PCDHGA11: variants seen among roughly 807,000 people sequenced by gnomAD.
The protein encoded by PCDHGA11 is protocadherin gamma subfamily A, 11.
Under a neutral mutation model 60.4 loss-of-function variants are expected in PCDHGA11, and 39 were observed. The observed-to-expected ratio is 0.65, with a 90% CI of 0.50 to 0.84. The LOEUF (loss-of-function observed/expected upper bound fraction) is 0.84. Among genes scored for constraint, PCDHGA11 ranks in the 40% least tolerant of loss-of-function variants. The probability of loss-of-function intolerance (pLI) is 0.00; values close to 1 mark genes in which losing one functional copy is unlikely to be tolerated. For missense variants in PCDHGA11, 1,165 were observed against 1,197.7 expected (o/e 0.97, Z 0.40); for synonymous variants, 533 against 510.3 (o/e 1.04, Z -0.60).
chr5:141,432,635 G>C lies in PCDHGA11; in HGVS notation c.2433+8975G>C, dbSNP rs754354737. On this transcript the variant is annotated intron_variant, in intron 1 of 3. Transcript: ENST00000398587. The surrounding 1 kb of genome is among the most constrained non-coding windows in gnomAD (Gnocchi z 6.0). ...CTCGGTGGGTCTGCACACGGGCGAG[G>C]TGCGCACGGCGCGAGCCCTGCTGGA... The C allele has an allele frequency of 5.6e-6, 9 of 1,612,886 alleles. No individual in the cohort carries two copies. Among genetic ancestry groups the C allele is most frequent in the Non-Finnish European group, 7.6e-6 (9 of 1,179,742 alleles).
chr5:141,446,408 C>A (rs1211716327), intron 1 of PCDHGA11, among the ~76,000 whole-genome samples: 1 of 151,898 alleles, frequency 6.6e-6, no homozygotes, highest in African/African-American at 2.4e-5. Flanking sequence ...GAGTTGAGTT[C>A]CAGCCATGTT....
chr5:141,478,428 C>T (rs2154576655), intron 1 of PCDHGA11: 1 of 1,613,746 alleles, frequency 6.2e-7, no homozygotes, highest in Non-Finnish European at 8.5e-7. Flanking sequence ...CGCAGCGACC[C>T]GCTGCTGAAG....
At position 141,431,982 on chromosome 5, in the gene PCDHGA11, T is replaced by G. The variant is rs2097433926; in HGVS notation, c.2433+8322T>G. The G allele has an allele frequency of 6.2e-7, 1 of 1,614,212 alleles. No homozygotes were observed. Among genetic ancestry groups the G allele is most frequent in the African/African-American group, 1.3e-5 (1 of 75,056 alleles). ...AATTACTATAGTTTAGTCACAGACA[T>G]AGTCTTGGATAGGGAACAGGTTCCT... On this transcript the variant is annotated intron_variant, in intron 1 of 3. Transcript: ENST00000398587. The surrounding 1 kb of genome is among the most constrained non-coding windows in gnomAD (Gnocchi z 4.8).
At position 141,431,667 on chromosome 5, in the gene PCDHGA11, C is replaced by T. The variant is rs759257105; in HGVS notation, c.2433+8007C>T. ...GATTGTAATTCAGGGACAATATCAA[C>T]AATAGGGGAGTTGGACCACGAGGAG... On this transcript the variant is annotated intron_variant, in intron 1 of 3. Coordinates refer to ENST00000398587, the MANE Select transcript of PCDHGA11 (RefSeq NM_018914.3). This position sits in a 1 kb window ranked among gnomAD's most constrained non-coding sequence, Gnocchi z 4.8. 1 of 1,614,226 alleles carries T rather than the reference C, an allele frequency of 6.2e-7. No individual in the cohort carries two copies. The highest frequency in any genetic ancestry group is 1.3e-5 in the African/African-American group (1 of 75,072).
In PCDHGA11 at chr5:141,471,825, A is replaced by G. The variant is rs150400990; in HGVS notation, c.2434-22982A>G. Among the ~76,000 whole-genome samples, 61 of 152,344 alleles carry G rather than the reference A, an allele frequency of 4.0e-4. No individual in the cohort carries two copies. In the East Asian group the frequency reaches 0.011, roughly 27 times the overall value. ...ACATATAAAAGACTACCTATTTTAT[A>G]ATTCCTTTTTAATAAAATATTCAGA... On this transcript the variant is annotated intron_variant, in intron 1 of 3. Coordinates refer to ENST00000398587, the MANE Select transcript of PCDHGA11 (RefSeq NM_018914.3).
intron 1 of PCDHGA11, among the ~76,000 whole-genome samples, chr5:141,434,748 C>T (rs932613622): frequency 2.0e-5 from 3 of 151,818 alleles, no homozygotes; most frequent in African/African-American, 7.3e-5. Flanking sequence ...CTATGAGACC[C>T]CTGATTCCCC....
At chr5:141,454,313 G>A (rs986902404) in intron 1 of PCDHGA11, among the ~76,000 whole-genome samples, 1 of 152,296 alleles carries the variant, frequency 6.6e-6, no homozygotes, top group Non-Finnish European at 1.5e-5. Context: ...TCAAAGCATT[G>A]AAACCTCCAA....
intron 1 of PCDHGA11, among the ~76,000 whole-genome samples, chr5:141,443,656 A>G (rs139300845): frequency 1.3e-5 from 2 of 152,374 alleles, no homozygotes; most frequent in East Asian, 3.8e-4. Flanking sequence ...TTAGCATAGC[A>G]TTTTACTGAA....
At chr5:141,441,680 C>T in intron 1 of PCDHGA11, 1 of 295,840 alleles carries the variant, frequency 3.4e-6, no homozygotes, top group South Asian at 2.8e-5. Context: ...GCGCCTTCGA[C>T]CAAGAGCAGC....
chr5:141,421,583 G>A lies in PCDHGA11; in HGVS notation c.356G>A (p.Gly119Glu), dbSNP rs765321947. The change falls in exon 1 of 4, where the codon GGA becomes GAA. Residue 119 changes from glycine (G) to glutamate (E), a missense_variant. Gly to Glu is a moderately conservative substitution (Grantham distance 98). Transcript: ENST00000398587. ...LLVEDTLKIY[G>E]VEVEIIDIND... ...GTGGAAGACACCTTGAAGATTTACG[G>A]AGTGGAGGTGGAAATAATAGATATT... The A allele has an allele frequency of 6.2e-7, 1 of 1,613,796 alleles. No individual in the cohort carries two copies. The highest frequency in any genetic ancestry group is 1.3e-5 in the African/African-American group (1 of 74,938).
At chr5:141,456,044 C>T (rs1307913066) in intron 1 of PCDHGA11, among the ~76,000 whole-genome samples, 2 of 151,826 alleles carry the variant, frequency 1.3e-5, no homozygotes, top group African/African-American at 2.4e-5. Context: ...ACTACAGGCG[C>T]CCACCACCAC....
At chr5:141,452,781 A>G (rs575869415) in intron 1 of PCDHGA11, among the ~76,000 whole-genome samples, 10 of 152,302 alleles carry the variant, frequency 6.6e-5, no homozygotes, top group African/African-American at 2.4e-4. Flanking sequence ...CTGAGAAAGT[A>G]ACATACCATC....
At position 141,477,112 on chromosome 5, in the gene PCDHGA11, A is replaced by C. The variant is rs745449028; in HGVS notation, c.2434-17695A>C. The C allele has an allele frequency of 2.5e-6, 4 of 1,614,262 alleles. No homozygotes were observed. The South Asian group carries it at 4.4e-5, about 18-fold the overall frequency. Reference sequence around the variant, plus strand: ...CCAAAGACAAGGGCGCCAATCCCGAAGGAGCACATTGCAAAGTGTTGGTGG... The same window carrying C: ...CCAAAGACAAGGGCGCCAATCCCGACGGAGCACATTGCAAAGTGTTGGTGG... On this transcript the variant is annotated intron_variant, in intron 1 of 3. Transcript: ENST00000398587. This position sits in a 1 kb window ranked among gnomAD's most constrained non-coding sequence, Gnocchi z 4.9.
chr5:141,431,584 G>A lies in PCDHGA11; in HGVS notation c.2433+7924G>A, dbSNP rs201462681. 7 of 1,614,074 alleles carry A rather than the reference G, an allele frequency of 4.3e-6. No homozygotes were observed. The African/African-American group carries it at 9.3e-5, about 22-fold the overall frequency. On this transcript the variant is annotated intron_variant, in intron 1 of 3. Coordinates refer to ENST00000398587, the MANE Select transcript of PCDHGA11 (RefSeq NM_018914.3). The surrounding 1 kb of genome is among the most constrained non-coding windows in gnomAD (Gnocchi z 4.8). ...CCGACCCTGACGAAGGAGTCAATGC[G>A]GAAGTGAGGTATTCCTTCCGGTATG... is the stretch of plus-strand genomic sequence containing the variant.
chr5:141,502,062 A>G (rs530211521), intron 2 of PCDHGA11, among the ~76,000 whole-genome samples: 2 of 152,146 alleles, frequency 1.3e-5, no homozygotes, highest in South Asian at 4.2e-4. Flanking sequence ...TATTCCCATT[A>G]GCCCCCTTCA....
Position 141,451,083 on chromosome 5 carries a change from C to T in PCDHGA11, c.2433+27423C>T, listed in dbSNP as rs192869194. On this transcript the variant is annotated intron_variant, in intron 1 of 3. Coordinates refer to ENST00000398587, the MANE Select transcript of PCDHGA11 (RefSeq NM_018914.3). The stretch of plus-strand genomic sequence containing the variant: ...GACCTTGTGATCCACCCACCTTGAC[C>T]TCCCAAAGTGTTGGGATTACAGGCG... 4.9e-4 allele frequency among the ~76,000 whole-genome samples: 75 copies of T among 152,174 alleles called. 3 individuals carry two copies. In the East Asian group the frequency reaches 0.014, roughly 29 times the overall value.
At chr5:141,430,784 G>T in intron 1 of PCDHGA11, 1 of 1,512,418 alleles carries the variant, frequency 6.6e-7, no homozygotes, top group East Asian at 2.3e-5. Flanking sequence ...ACTGCACCGG[G>T]ACTACAAAGG....
At chr5:141,439,506 C>G (rs2098117403) in intron 1 of PCDHGA11, among the ~76,000 whole-genome samples, 1 of 152,234 alleles carries the variant, frequency 6.6e-6, no homozygotes, top group Non-Finnish European at 1.5e-5. Flanking sequence ...GTCTTTCTCT[C>G]TGCTCTCAAC....
rs72790062 is a variant in PCDHGA11, at chr5:141,476,031, C to A, written c.2434-18776C>A. On this transcript the variant is annotated intron_variant, in intron 1 of 3. Coordinates refer to ENST00000398587, the MANE Select transcript of PCDHGA11 (RefSeq NM_018914.3). The surrounding 1 kb of genome is among the most constrained non-coding windows in gnomAD (Gnocchi z 7.6). Reference sequence around the variant, plus strand: ...AAGCCATGTCGGACTCGGCGCCCAGCGCCCAAGCGCTAACCCGCTGAAAGT... The same window carrying A: ...AAGCCATGTCGGACTCGGCGCCCAGAGCCCAAGCGCTAACCCGCTGAAAGT... 6.9e-6 allele frequency: 10 copies of A among 1,457,214 alleles called. No homozygotes were observed. The highest frequency in any genetic ancestry group is 9.1e-6 in the Non-Finnish European group (10 of 1,094,860). 90.3% of individuals were successfully genotyped at this position (1,457,214 alleles called of 1,614,324 possible).
Sources: gnomAD v4.1 joint callset for allele counts (sites outside exome capture counted in the v4.1 genomes callset) on GRCh38, gnomAD v4.1.1 for gene constraint, Gnocchi (gnomAD v3.1) non-coding constraint, MANE v1.5 for transcripts, NCBI Gene and HGNC (gene_info 2026-07-23, HGNC 2026-07-21) for gene names.